The following SDK1 variants were observed in gnomAD, a reference collection of about 807,000 sequenced individuals.
SDK1 encodes the protein protein sidekick-1.
Under a neutral mutation model 245.5 loss-of-function variants are expected in SDK1, and 157 were observed. The observed-to-expected ratio is 0.64, with a 90% CI of 0.56 to 0.73. The LOEUF (loss-of-function observed/expected upper bound fraction) is 0.73. SDK1 is among the 30% of genes least tolerant of loss of function. SDK1 has a pLI of 0.00. For missense variants in SDK1, 3,583 were observed against 3,002.3 expected (o/e 1.19, Z -4.52); for synonymous variants, 1,647 against 1,278.5 (o/e 1.29, Z -6.15).
At chr7:3,558,699 A>G (rs1169499816) in intron 1 of SDK1, among the ~76,000 whole-genome samples, 3 of 152,254 alleles carry the variant, frequency 2.0e-5, no homozygotes, top group Non-Finnish European at 2.9e-5. Flanking sequence ...TATCAAGTCA[A>G]GATATCTAAA....
At chr7:3,419,328 G>A (rs903935965) in intron 1 of SDK1, among the ~76,000 whole-genome samples, 3 of 152,114 alleles carry the variant, frequency 2.0e-5, no homozygotes, top group East Asian at 1.9e-4. Context: ...GCGTCTCTGT[G>A]GCCACTTGAT....
chr7:3,833,853 T>C (rs1779970626), intron 5 of SDK1, among the ~76,000 whole-genome samples: 1 of 152,204 alleles, frequency 6.6e-6, no homozygotes, highest in South Asian at 2.1e-4. Flanking sequence ...CAGTTCTACT[T>C]GAACCCTAGC....
chr7:3,682,803 A>G (rs1330054777), intron 4 of SDK1, among the ~76,000 whole-genome samples: 1 of 151,686 alleles, frequency 6.6e-6, no homozygotes, highest in Non-Finnish European at 1.5e-5. Context: ...CAGTGGCGCA[A>G]TCTCAGCTCA....
chr7:4,079,994 C>A (rs536908249), intron 22 of SDK1, among the ~76,000 whole-genome samples: 1 of 152,302 alleles, frequency 6.6e-6, no homozygotes, highest in South Asian at 2.1e-4. Context: ...GACGATTGTT[C>A]TATCAGCAGG....
chr7:3,538,369 C>G (rs774869009), intron 1 of SDK1, among the ~76,000 whole-genome samples: 4 of 151,870 alleles, frequency 2.6e-5, no homozygotes, highest in Admixed American at 1.3e-4. Context: ...TCTTGGAAGG[C>G]CTTTTTGAAA....
chr7:3,328,608 G>T (rs1251665384), intron 1 of SDK1, among the ~76,000 whole-genome samples: 4 of 151,768 alleles, frequency 2.6e-5, no homozygotes, highest in Non-Finnish European at 5.9e-5. Flanking sequence ...AAAGATAACT[G>T]GTATGATTTT....
At chr7:3,909,993 A>C (rs549775415) in intron 5 of SDK1, among the ~76,000 whole-genome samples, 6 of 152,284 alleles carry the variant, frequency 3.9e-5, no homozygotes, top group Non-Finnish European at 8.8e-5. Flanking sequence ...AAAATGTATA[A>C]AGATAATAAA....
chr7:3,505,592 T>C (rs1454480726), intron 1 of SDK1, among the ~76,000 whole-genome samples: 1 of 152,220 alleles, frequency 6.6e-6, no homozygotes, highest in Non-Finnish European at 1.5e-5. Context: ...AAATATAGTA[T>C]GCTTAAAATA....
intron 1 of SDK1, among the ~76,000 whole-genome samples, chr7:3,574,432 C>T (rs977043920): frequency 6.6e-6 from 1 of 151,930 alleles, no homozygotes; most frequent in Non-Finnish European, 1.5e-5. Flanking sequence ...CCTCATTTGA[C>T]CCTGTGGTGT....
At chr7:3,824,374 T>C (rs1017124107) in intron 5 of SDK1, among the ~76,000 whole-genome samples, 8 of 152,330 alleles carry the variant, frequency 5.3e-5, no homozygotes, top group Non-Finnish European at 1.2e-4. Context: ...TTAATGAAGA[T>C]ACATTTTTGC....
At chr7:3,393,700 A>G (rs1331872668) in intron 1 of SDK1, among the ~76,000 whole-genome samples, 1 of 152,046 alleles carries the variant, frequency 6.6e-6, no homozygotes, top group Non-Finnish European at 1.5e-5. Flanking sequence ...GATTCTTTTT[A>G]ATTATTTCAA....
At chr7:3,558,123 G>A (rs1307544591) in intron 1 of SDK1, among the ~76,000 whole-genome samples, 1 of 151,868 alleles carries the variant, frequency 6.6e-6, no homozygotes, top group African/African-American at 2.4e-5. Context: ...TATTGAAATG[G>A]CCGGTATAGT....
intron 1 of SDK1, among the ~76,000 whole-genome samples, chr7:3,355,655 A>G (rs1780772428): frequency 6.6e-6 from 1 of 152,140 alleles, no homozygotes; most frequent in African/African-American, 2.4e-5. Context: ...GAATACCCTC[A>G]GCTTTCCACC....
chr7:3,642,134 A>C (rs752607882), intron 4 of SDK1, 29 bp downstream of exon 4: 30 of 1,608,178 alleles, frequency 1.9e-5, no homozygotes, highest in East Asian at 4.5e-5. Context: ...TAAAGCTTCA[A>C]ATACAATTGT....
chr7:4,025,972 CCCCT>C (rs1787310400), intron 17 of SDK1, among the ~76,000 whole-genome samples: 1 of 152,226 alleles, frequency 6.6e-6, no homozygotes, highest in Admixed American at 6.5e-5. Context: ...TTTCCTCCTC[CCCCT>C]CCCCTGCTGG....
intron 40 of SDK1, among the ~76,000 whole-genome samples, chr7:4,222,287 T>C (rs1785188704): frequency 6.6e-6 from 1 of 152,206 alleles, no homozygotes; most frequent in South Asian, 2.1e-4. Flanking sequence ...AAGTGCTTTC[T>C]AGAAACTTCT....
chr7:4,208,825 C>T (rs1298532612), intron 37 of SDK1, among the ~76,000 whole-genome samples: 3 of 152,240 alleles, frequency 2.0e-5, no homozygotes, highest in Non-Finnish European at 4.4e-5. Flanking sequence ...GCTGTGGCCT[C>T]ATCTCCACGC....
intron 17 of SDK1, among the ~76,000 whole-genome samples, chr7:4,040,570 T>C (rs1024177271): frequency 4.6e-5 from 7 of 151,986 alleles, no homozygotes; most frequent in African/African-American, 1.7e-4. Context: ...CGGAGTGGGT[T>C]TTTCCAGTCC....
chr7:3,508,218 A>G (rs1250043042), intron 1 of SDK1, among the ~76,000 whole-genome samples: 1 of 151,566 alleles, frequency 6.6e-6, no homozygotes, highest in Non-Finnish European at 1.5e-5. Context: ...ATTCATGTGG[A>G]CAGTTGGCTG....
Sources: gnomAD v4.1 joint callset for allele counts (sites outside exome capture counted in the v4.1 genomes callset) on GRCh38, gnomAD v4.1.1 for gene constraint, MANE v1.5 for transcripts, NCBI Gene and HGNC (gene_info 2026-07-23, HGNC 2026-07-21) for gene names.